TNFSF4: variants seen among roughly 807,000 people sequenced by gnomAD.
The protein encoded by TNFSF4 is tumor necrosis factor ligand superfamily member 4.
In TNFSF4, 4 loss-of-function variants were observed where a neutral mutation model predicts 7.3. That is an observed-to-expected ratio of 0.55 (90% confidence interval 0.27 to 1.25). The LOEUF is 1.25. Ranked by LOEUF, TNFSF4 falls within the 50% of genes most tolerant of loss-of-function variation. The pLI is 0.12. For synonymous variants in TNFSF4, 76 were observed against 83.7 expected, an observed-to-expected ratio of 0.91 and a Z score of 0.50; for missense variants, 181 against 208.8, an observed-to-expected ratio of 0.87 and a Z score of 0.82.
At chr1:173,351,052 A>G in the TNFSF4 span, among the ~76,000 whole-genome samples, 1 of 152,224 alleles carries the variant, frequency 6.6e-6, no homozygotes, top group African/African-American at 2.4e-5. Context: ...TGGCTAAAAA[A>G]TACTAATAAT....
At chr1:173,247,549 T>C in the TNFSF4 span, among the ~76,000 whole-genome samples, 1 of 152,214 alleles carries the variant, frequency 6.6e-6, no homozygotes, top group Non-Finnish European at 1.5e-5. Flanking sequence ...GGCCACTGAA[T>C]TCATCTTTTC....
chr1:173,289,141 A>G, the TNFSF4 span, among the ~76,000 whole-genome samples: 1 of 152,128 alleles, frequency 6.6e-6, no homozygotes, highest in African/African-American at 2.4e-5. Flanking sequence ...TGTTGGAGAA[A>G]AGGAAACTAT....
At chr1:173,399,643 T>G in the TNFSF4 span, among the ~76,000 whole-genome samples, 5 of 151,648 alleles carry the variant, frequency 3.3e-5, no homozygotes, top group African/African-American at 9.7e-5. Flanking sequence ...TTGTGTCCCA[T>G]GTGAATGTTC....
At chr1:173,198,231 G>C (rs186506167) in intron 1 of TNFSF4, among the ~76,000 whole-genome samples, 2 of 152,034 alleles carry the variant, frequency 1.3e-5, no homozygotes, top group African/African-American at 4.8e-5. Flanking sequence ...TTCTTCTCCC[G>C]GACCAGAAAA....
chr1:173,306,824 G>A, the TNFSF4 span, among the ~76,000 whole-genome samples: 9 of 151,894 alleles, frequency 5.9e-5, no homozygotes, highest in African/African-American at 2.2e-4. Context: ...CAGGCCAGAT[G>A]CTAGAAATCA....
the TNFSF4 span, among the ~76,000 whole-genome samples, chr1:173,307,781 C>T: frequency 6.6e-6 from 1 of 151,826 alleles, no homozygotes; most frequent in Admixed American, 6.6e-5. Context: ...AAAGGGAGTG[C>T]AGAATATGAC....
At chr1:173,436,803 G>A in the TNFSF4 span, among the ~76,000 whole-genome samples, 14 of 152,302 alleles carry the variant, frequency 9.2e-5, no homozygotes, top group Non-Finnish European at 1.9e-4. Context: ...CTAATGGGGA[G>A]CGCTGAAATG....
the TNFSF4 span, among the ~76,000 whole-genome samples, chr1:173,220,123 TC>T: frequency 6.6e-6 from 1 of 152,218 alleles, no homozygotes; most frequent in Non-Finnish European, 1.5e-5. Flanking sequence ...CAAAGTGGTT[TC>T]TTTGCAGTAG....
At chr1:173,259,436 TC>T in the TNFSF4 span, among the ~76,000 whole-genome samples, 1 of 152,000 alleles carries the variant, frequency 6.6e-6, no homozygotes, top group Non-Finnish European at 1.5e-5. Flanking sequence ...GTGCCTCTTC[TC>T]CTCCAAATGA....
At chr1:173,183,261 G>C (rs559003192), downstream of TNFSF4, among the ~76,000 whole-genome samples, 57 of 152,174 alleles carry the variant, frequency 3.7e-4, no homozygotes, top group African/African-American at 1.3e-3. Context: ...AAAAGGGTGA[G>C]GTCAAAAAAG....
At chr1:173,382,934 G>A in the TNFSF4 span, among the ~76,000 whole-genome samples, 4 of 152,052 alleles carry the variant, frequency 2.6e-5, no homozygotes, top group Non-Finnish European at 5.9e-5. Flanking sequence ...ACTAAGAAGT[G>A]AGCAGCTGAA....
the TNFSF4 span, among the ~76,000 whole-genome samples, chr1:173,367,292 T>C: frequency 0.7 from 105,758 of 152,084 alleles, 36,989 homozygotes; most frequent in African/African-American, 0.77. Flanking sequence ...TATTTTACCA[T>C]GGCACACATT....
the TNFSF4 span, among the ~76,000 whole-genome samples, chr1:173,407,889 TG>T: frequency 6.6e-6 from 1 of 152,046 alleles, no homozygotes; most frequent in Admixed American, 6.5e-5. Flanking sequence ...TATTAGGAGG[TG>T]GGGACTTTGG....
chr1:173,413,606 G>A, the TNFSF4 span, among the ~76,000 whole-genome samples: 2 of 152,168 alleles, frequency 1.3e-5, no homozygotes, highest in Non-Finnish European at 2.9e-5. Flanking sequence ...CAGCAGGCCA[G>A]TGTTCACAGG....
the TNFSF4 span, among the ~76,000 whole-genome samples, chr1:173,344,384 C>G: frequency 6.6e-6 from 1 of 152,138 alleles, no homozygotes; most frequent in Admixed American, 6.6e-5. Context: ...CTTGAGAAAC[C>G]GTTTAAACTC....
chr1:173,389,853 T>C, the TNFSF4 span, among the ~76,000 whole-genome samples: 1 of 152,196 alleles, frequency 6.6e-6, no homozygotes, highest in Non-Finnish European at 1.5e-5. Flanking sequence ...TGATTCTTTT[T>C]TCAAATCTAC....
the TNFSF4 span, among the ~76,000 whole-genome samples, chr1:173,427,871 C>G: frequency 1.3e-5 from 2 of 151,818 alleles, no homozygotes; most frequent in Non-Finnish European, 2.9e-5. Flanking sequence ...CATATCTAAA[C>G]ATAGAAAAGG....
the TNFSF4 span, among the ~76,000 whole-genome samples, chr1:173,424,481 T>C: frequency 6.6e-6 from 1 of 152,206 alleles, no homozygotes; most frequent in African/African-American, 2.4e-5. Flanking sequence ...GTGGGCCCAA[T>C]GTGATTCTAT....
At chr1:173,345,245 C>G in the TNFSF4 span, among the ~76,000 whole-genome samples, 1 of 152,186 alleles carries the variant, frequency 6.6e-6, no homozygotes, top group Non-Finnish European at 1.5e-5. Context: ...AATACACACA[C>G]CTCACACAGG....
Sources: allele counts gnomAD v4.1 joint callset (sites outside exome capture counted in the v4.1 genomes callset), GRCh38; gene constraint gnomAD v4.1.1; transcripts MANE v1.5; gene names NCBI Gene and HGNC (gene_info 2026-07-23, HGNC 2026-07-21).